OXR1: variants seen among roughly 807,000 people sequenced by gnomAD.
The protein encoded by OXR1 is oxidation resistance protein 1.
Under a neutral mutation model 104.6 loss-of-function variants are expected in OXR1, and 41 were observed. The observed-to-expected ratio is 0.39, with a 90% CI of 0.31 to 0.51. The LOEUF is 0.51. Ranked by LOEUF, OXR1 falls within the 20% of genes least tolerant of loss-of-function variation. The pLI is 0.77. For missense variants in OXR1, 955 were observed against 1,031.9 expected (o/e 0.93, Z 1.02); for synonymous variants, 348 against 348.4 (o/e 1.00, Z 0.01).
chr8:106,455,255 TAAAC>T (rs944345825), intron 2 of OXR1, among the ~76,000 whole-genome samples: 2 of 152,130 alleles, frequency 1.3e-5, no homozygotes, highest in African/African-American at 2.4e-5. Context: ...TCTTACAAAA[TAAAC>T]AAATAAAAAG....
chr8:106,641,677 A>G (rs184090756), intron 3 of OXR1, among the ~76,000 whole-genome samples: 1 of 152,298 alleles, frequency 6.6e-6, no homozygotes, highest in Admixed American at 6.5e-5. Context: ...ATGGGGCGAT[A>G]CCAGTGTGAT....
intron 3 of OXR1, among the ~76,000 whole-genome samples, chr8:106,557,114 C>G (rs1816342438): frequency 6.6e-6 from 1 of 152,106 alleles, no homozygotes; most frequent in African/African-American, 2.4e-5. Context: ...TTTGTGTTTG[C>G]TCTAATTGTG....
chr8:106,394,854 C>T (rs1032023380), intron 2 of OXR1, among the ~76,000 whole-genome samples: 5 of 152,018 alleles, frequency 3.3e-5, no homozygotes, highest in African/African-American at 4.8e-5. Flanking sequence ...ATACATTTCT[C>T]GAAGTCCACA....
intron 1 of OXR1, among the ~76,000 whole-genome samples, chr8:106,276,413 GA>G (rs1812038840): frequency 6.6e-6 from 1 of 152,172 alleles, no homozygotes; most frequent in Admixed American, 6.5e-5. Flanking sequence ...CATTTACAAG[GA>G]AAGAGGCACA....
At chr8:106,319,558 C>A (rs978092645) in intron 1 of OXR1, among the ~76,000 whole-genome samples, 1 of 152,178 alleles carries the variant, frequency 6.6e-6, no homozygotes, top group Non-Finnish European at 1.5e-5. Context: ...ATTTTAAAAG[C>A]CCTTTTTGTT....
At chr8:106,489,233 G>A (rs984112944) in intron 2 of OXR1, among the ~76,000 whole-genome samples, 9 of 151,324 alleles carry the variant, frequency 5.9e-5, no homozygotes, top group East Asian at 1.9e-4. Context: ...TTTGTCTGTT[G>A]TTGGTGTATA....
intron 1 of OXR1, among the ~76,000 whole-genome samples, chr8:106,314,624 T>C (rs1323494042): frequency 1.3e-5 from 2 of 152,190 alleles, no homozygotes; most frequent in Non-Finnish European, 2.9e-5. Context: ...TTATAAATGA[T>C]GTTGAGATTG....
intron 3 of OXR1, among the ~76,000 whole-genome samples, chr8:106,623,315 TA>T (rs1319473251): frequency 6.6e-6 from 1 of 152,078 alleles, no homozygotes; most frequent in Non-Finnish European, 1.5e-5. Flanking sequence ...AATATATGTA[TA>T]TTTTTTAAAA....
At chr8:106,563,296 C>CAGAAAAA in intron 3 of OXR1, among the ~76,000 whole-genome samples, 1 of 125,772 alleles carries the variant, frequency 8.0e-6, no homozygotes, top group African/African-American at 3.0e-5. Flanking sequence ...AAATGGAAAG[C>CAGAAAAA]AAAAAAAAAA....
chr8:106,711,579 G>A (rs1831695247), intron 10 of OXR1, among the ~76,000 whole-genome samples: 1 of 152,026 alleles, frequency 6.6e-6, no homozygotes, highest in African/African-American at 2.4e-5. Flanking sequence ...CATTTTCTGT[G>A]ACTTTTGTAA....
intron 3 of OXR1, among the ~76,000 whole-genome samples, chr8:106,528,943 A>G (rs944784121): frequency 2.0e-5 from 3 of 152,224 alleles, no homozygotes; most frequent in Non-Finnish European, 2.9e-5. Context: ...ATTCTTGAGA[A>G]CTATGACTTT....
intron 3 of OXR1, among the ~76,000 whole-genome samples, chr8:106,561,785 C>T (rs1379447269): frequency 6.6e-6 from 1 of 152,176 alleles, no homozygotes; most frequent in Admixed American, 6.5e-5. Context: ...AAGGAACAGG[C>T]AGCAATCTTT....
chr8:106,359,723 G>A (rs773963389), intron 2 of OXR1, 87 bp downstream of exon 2: 11 of 988,196 alleles, frequency 1.1e-5, no homozygotes, highest in East Asian at 2.6e-5. Context: ...GCAGAACTTG[G>A]GCAGAGAGAA....
At chr8:106,654,401 T>C (rs1344551385) in intron 3 of OXR1, among the ~76,000 whole-genome samples, 1 of 152,108 alleles carries the variant, frequency 6.6e-6, no homozygotes, top group Admixed American at 6.5e-5. Flanking sequence ...GGTCAATTAA[T>C]TTTTGATAAA....
chr8:106,722,799 C>T (rs1323131112), intron 11 of OXR1, among the ~76,000 whole-genome samples: 1 of 152,174 alleles, frequency 6.6e-6, no homozygotes, highest in Admixed American at 6.5e-5. Context: ...GAACATATCC[C>T]TGTCATTATG....
At chr8:106,337,825 T>G (rs1815026545) in intron 1 of OXR1, among the ~76,000 whole-genome samples, 1 of 152,208 alleles carries the variant, frequency 6.6e-6, no homozygotes, top group Non-Finnish European at 1.5e-5. Context: ...ATTCCATATC[T>G]TGTCTGGTTA....
chr8:106,390,347 G>A (rs1400243709), intron 2 of OXR1, among the ~76,000 whole-genome samples: 1 of 152,156 alleles, frequency 6.6e-6, no homozygotes, highest in African/African-American at 2.4e-5. Context: ...TCTTGGAGAG[G>A]AGGAGAAGGG....
chr8:106,305,564 T>A (rs1232221693), intron 1 of OXR1, among the ~76,000 whole-genome samples: 2 of 152,182 alleles, frequency 1.3e-5, no homozygotes, highest in African/African-American at 4.8e-5. Context: ...TAATATTTAA[T>A]GATTTATTTA....
chr8:106,284,777 T>C (rs1812423759), intron 1 of OXR1, among the ~76,000 whole-genome samples: 1 of 151,392 alleles, frequency 6.6e-6, no homozygotes, highest in South Asian at 2.1e-4. Flanking sequence ...GTTTCCATTA[T>C]AAAAAGCTAT....
Sources: gnomAD v4.1 joint callset for allele counts (sites outside exome capture counted in the v4.1 genomes callset) on GRCh38, gnomAD v4.1.1 for gene constraint, MANE v1.5 for transcripts, NCBI Gene and HGNC (gene_info 2026-07-23, HGNC 2026-07-21) for gene names.